Variants in DIP2C observed in about 807,000 individuals in gnomAD.
DIP2C encodes disco-interacting protein 2 homolog C.
In DIP2C, 33 loss-of-function variants were observed where a neutral mutation model predicts 192.4. That is an observed-to-expected ratio of 0.17 (90% confidence interval 0.13 to 0.23). The LOEUF is 0.23. Ranked by LOEUF, DIP2C falls within the 10% of genes least tolerant of loss-of-function variation. DIP2C has a pLI of 1.00. For synonymous variants in DIP2C, 979 were observed against 864.1 expected (o/e 1.13, Z -2.33); for missense variants, 1,537 against 2,110.1 (o/e 0.73, Z 5.32).
chr10:511,320 C>A (rs1294669537), intron 1 of DIP2C, among the ~76,000 whole-genome samples: 1 of 152,208 alleles, frequency 6.6e-6, no homozygotes, highest in Non-Finnish European at 1.5e-5. Flanking sequence ...TGCCACAGCA[C>A]TGATTTCAGG....
At chr10:321,362 G>C (rs994509356) in intron 31 of DIP2C, among the ~76,000 whole-genome samples, 4 of 152,230 alleles carry the variant, frequency 2.6e-5, no homozygotes, top group Non-Finnish European at 5.9e-5. Context: ...GACCCCCTCT[G>C]ACCGTGATGC....
chr10:306,949 T>C (rs1442131686), intron 32 of DIP2C, among the ~76,000 whole-genome samples: 1 of 152,172 alleles, frequency 6.6e-6, no homozygotes, highest in Non-Finnish European at 1.5e-5. Flanking sequence ...GTCGGAGTCA[T>C]GCAGGCAGAT....
At chr10:553,913 G>C (rs1848710322) in intron 1 of DIP2C, among the ~76,000 whole-genome samples, 1 of 151,754 alleles carries the variant, frequency 6.6e-6, no homozygotes, top group South Asian at 2.1e-4. Context: ...GTATACGCTT[G>C]TAACTGTAAC....
At chr10:307,703 AGT>A (rs1040329979) in intron 32 of DIP2C, among the ~76,000 whole-genome samples, 4 of 152,140 alleles carry the variant, frequency 2.6e-5, no homozygotes, top group African/African-American at 9.7e-5. Flanking sequence ...GAATGAGAAG[AGT>A]GAGAGCAGCC....
chr10:480,304 C>T (rs1404958857), intron 2 of DIP2C, among the ~76,000 whole-genome samples: 1 of 150,126 alleles, frequency 6.7e-6, no homozygotes, highest in East Asian at 2.0e-4. Flanking sequence ...AAGACTCATC[C>T]ACCAGCCTGA....
At chr10:360,425 C>T (rs909301295) in intron 22 of DIP2C, among the ~76,000 whole-genome samples, 4 of 152,194 alleles carry the variant, frequency 2.6e-5, no homozygotes, top group Non-Finnish European at 4.4e-5. Context: ...TTTTCTCTTC[C>T]CGCTCCCATT....
At chr10:392,832 G>A (rs567739939) in intron 10 of DIP2C, among the ~76,000 whole-genome samples, 44 of 146,772 alleles carry the variant, frequency 3.0e-4, no homozygotes, top group Admixed American at 7.3e-4. Context: ...ACACACACAC[G>A]CCCACGCACA....
intron 2 of DIP2C, among the ~76,000 whole-genome samples, chr10:476,478 C>T (rs1311246236): frequency 6.6e-6 from 1 of 152,226 alleles, no homozygotes; most frequent in African/African-American, 2.4e-5. Flanking sequence ...TTTGATGCGT[C>T]ACTCATTCCT....
intron 36 of DIP2C, among the ~76,000 whole-genome samples, chr10:280,204 T>G (rs912932021): frequency 2.0e-5 from 3 of 152,180 alleles, no homozygotes; most frequent in Admixed American, 6.5e-5. Flanking sequence ...GCCAAGGCCT[T>G]AGTGTTCAAA....
intron 4 of DIP2C, among the ~76,000 whole-genome samples, chr10:424,355 G>GTTTTTTT (rs557255878): frequency 8.4e-5 from 7 of 83,106 alleles, no homozygotes; most frequent in African/African-American, 2.7e-4. Context: ...ATCACCTTGG[G>GTTTTTTT]TTTTTTTTTT....
At chr10:298,165 A>AT (rs1955850640) in intron 32 of DIP2C, among the ~76,000 whole-genome samples, 2 of 152,084 alleles carry the variant, frequency 1.3e-5, no homozygotes, top group South Asian at 4.2e-4. Context: ...CCACATGACA[A>AT]TTGGCCGTCA....
At chr10:503,124 G>A (rs999789948) in intron 1 of DIP2C, among the ~76,000 whole-genome samples, 1 of 150,174 alleles carries the variant, frequency 6.7e-6, no homozygotes, top group African/African-American at 2.5e-5. Flanking sequence ...ATCCCGCCAG[G>A]ACACTGACCT....
intron 22 of DIP2C, among the ~76,000 whole-genome samples, chr10:361,805 C>G (rs1959551659): frequency 6.6e-6 from 1 of 152,172 alleles, no homozygotes; most frequent in South Asian, 2.1e-4. Flanking sequence ...TCAGAGCACT[C>G]CCTGAGGGAC....
chr10:644,013 A>G (rs1053679810), intron 1 of DIP2C, among the ~76,000 whole-genome samples: 2 of 152,258 alleles, frequency 1.3e-5, no homozygotes, highest in Admixed American at 6.5e-5. Context: ...GTGAAAAATA[A>G]TAAGTGATTC....
intron 1 of DIP2C, among the ~76,000 whole-genome samples, chr10:592,704 A>T (rs1405873836): frequency 6.6e-6 from 1 of 152,178 alleles, no homozygotes; most frequent in African/African-American, 2.4e-5. Context: ...TGTAAATTAT[A>T]ACTATTACTA....
chr10:467,025 A>G lies in DIP2C; in HGVS notation c.268+5414T>C, dbSNP rs575664376. Among the ~76,000 whole-genome samples the G allele has an allele frequency of 5.0e-3, 756 of 151,356 alleles. 9 individuals carry two copies. Among genetic ancestry groups the G allele is most frequent in the African/African-American group, 0.017 (708 of 41,320 alleles). ...AAATACCATTTGACCCAGCCATCCC[A>G]TTACTGGGTATATACCCAAATGACT... On this transcript the variant is annotated intron_variant, in intron 3 of 36. Coordinates refer to ENST00000280886, the MANE Select transcript of DIP2C (RefSeq NM_014974.3).
At chr10:638,642 A>G (rs992819840) in intron 1 of DIP2C, among the ~76,000 whole-genome samples, 1 of 152,244 alleles carries the variant, frequency 6.6e-6, no homozygotes, top group African/African-American at 2.4e-5. Flanking sequence ...AAAAGGGCTG[A>G]CGAGGCCAAG....
chr10:429,874 G>C (rs1296363320), intron 4 of DIP2C, among the ~76,000 whole-genome samples: 1 of 152,108 alleles, frequency 6.6e-6, no homozygotes, highest in African/African-American at 2.4e-5. Context: ...GTAGACGTAA[G>C]TTTTCAACTC....
intron 8 of DIP2C, among the ~76,000 whole-genome samples, chr10:411,019 A>G (rs1426012034): frequency 6.6e-6 from 1 of 152,158 alleles, no homozygotes; most frequent in Non-Finnish European, 1.5e-5. Flanking sequence ...GTGAGGGGAG[A>G]GGCGGTGGGT....
Sources: gnomAD v4.1 joint callset for allele counts (sites outside exome capture counted in the v4.1 genomes callset) on GRCh38, gnomAD v4.1.1 for gene constraint, MANE v1.5 for transcripts, NCBI Gene and HGNC (gene_info 2026-07-23, HGNC 2026-07-21) for gene names.